NECAB3: variants seen among roughly 807,000 people sequenced by gnomAD.
The protein encoded by NECAB3 is N-terminal EF-hand calcium-binding protein 3.
A neutral mutation model predicts 57.2 loss-of-function variants in NECAB3; 38 were observed. The observed-to-expected ratio is 0.66, with a 90% CI of 0.51 to 0.87. The LOEUF is 0.87. Among genes scored for constraint, NECAB3 ranks in the 40% least tolerant of loss-of-function variants. The pLI, the probability that NECAB3 is intolerant of heterozygous loss-of-function variation, is 0.00. For missense variants in NECAB3, 474 were observed against 527.5 expected (o/e 0.90, Z 0.99); for synonymous variants, 223 against 222.6 (o/e 1.00, Z -0.02).
intron 5 of NECAB3, among the ~76,000 whole-genome samples, chr20:33,666,272 A>G (rs940591923): frequency 5.3e-5 from 8 of 152,170 alleles, no homozygotes; most frequent in Admixed American, 4.6e-4. Flanking sequence ...AGTACATCAG[A>G]TAATTCTAAG....
chr20:33,669,354 A>G (rs543301227), intron 5 of NECAB3, 21 bp downstream of exon 5: 3 of 1,610,782 alleles, frequency 1.9e-6, no homozygotes, highest in African/African-American at 2.7e-5. Flanking sequence ...TGGATCCCCC[A>G]CCATCAGCCA....
Position 33,660,114 on chromosome 20 carries a change from T to C in NECAB3, c.525-111A>G. The C allele has an allele frequency of 1.3e-6, 2 of 1,524,174 alleles. No individual in the cohort carries two copies. Among genetic ancestry groups the C allele is most frequent in the South Asian group, 1.2e-5 (1 of 80,182 alleles). 94.4% of individuals were successfully genotyped at this position (1,524,174 alleles called of 1,614,324 possible). On this transcript the variant is annotated intron_variant, in intron 6 of 11. Coordinates refer to ENST00000246190, the MANE Select transcript of NECAB3 (RefSeq NM_031232.4). This position sits in a 1 kb window ranked among gnomAD's most constrained non-coding sequence, Gnocchi z 4.1. ...CCGAGGCCTAGCCCCAAAGCCAGTC[T>C]CATTTCACCCCGCCATGGCTACCCT...
rs1227986983 is a variant in NECAB3, at chr20:33,657,302, T to C, written c.*527A>G. Reference sequence around the variant, plus strand: ...AACCCAGAGGCCTCTGGCACATCCATGGGTGCTGGAAGAGTCAGAGCCTAG... The same window carrying C: ...AACCCAGAGGCCTCTGGCACATCCACGGGTGCTGGAAGAGTCAGAGCCTAG... On this transcript the variant is annotated 3_prime_UTR_variant, in exon 12 of 12. Transcript: ENST00000246190. 1.3e-5 allele frequency: 2 copies of C among 156,116 alleles called. No homozygotes were observed. The highest frequency in any genetic ancestry group is 4.8e-5 in the African/African-American group (2 of 41,530). The allele number at this position is 156,116 out of a possible 1,614,324, so 9.7% of individuals were successfully genotyped here. A position where few individuals can be genotyped will look rare whatever the true frequency, so the allele number is the denominator to read the frequency against.
intron 10 of NECAB3, among the ~76,000 whole-genome samples, chr20:33,658,265 G>A (rs1413880912): frequency 1.3e-5 from 2 of 152,168 alleles, no homozygotes; most frequent in Non-Finnish European, 1.5e-5. Context: ...GTGTCCCTGT[G>A]CTGTATTCAG....
chr20:33,663,705 G>C, intron 5 of NECAB3: 3 of 1,538,312 alleles, frequency 2.0e-6, no homozygotes, highest in Non-Finnish European at 2.6e-6. Context: ...TGCTGCTGCG[G>C]CGGCAAGAGG....
At position 33,657,759 on chromosome 20, in the gene NECAB3, C is replaced by G. The variant is rs1220756094; in HGVS notation, c.*70G>C. 3 of 1,448,824 alleles carry G rather than the reference C, an allele frequency of 2.1e-6. No individual in the cohort carries two copies. Among genetic ancestry groups the G allele is most frequent in the Non-Finnish European group, 2.7e-6 (3 of 1,091,582 alleles). 89.7% of individuals were successfully genotyped at this position (1,448,824 alleles called of 1,614,324 possible). On this transcript the variant is annotated 3_prime_UTR_variant, in exon 12 of 12. Coordinates refer to ENST00000246190, the MANE Select transcript of NECAB3 (RefSeq NM_031232.4). Reference sequence around the variant, plus strand: ...GACAAGTCCTGGTCTTTGCGCTGGGCTGGCCAGTCCAGAAGGCTCCAGAGG... The same window carrying G: ...GACAAGTCCTGGTCTTTGCGCTGGGGTGGCCAGTCCAGAAGGCTCCAGAGG...
intron 5 of NECAB3, chr20:33,663,381 C>T: frequency 1.2e-6 from 1 of 801,300 alleles, no homozygotes; most frequent in East Asian, 3.1e-5. Flanking sequence ...GACAGGGGTC[C>T]CCTCCAGCCC....
At chr20:33,668,657 C>T (rs1486384018) in intron 5 of NECAB3, 3 of 166,996 alleles carry the variant, frequency 1.8e-5, no homozygotes, top group East Asian at 3.5e-4. Context: ...GAGCCCTGTG[C>T]CTAGCCATGT....
chr20:33,667,485 G>A, intron 5 of NECAB3: 1 of 1,472,620 alleles, frequency 6.8e-7, no homozygotes, highest in Non-Finnish European at 9.0e-7. Flanking sequence ...CCCTGGCAGT[G>A]CCCGCGTGCC....
Position 33,657,861 on chromosome 20 carries a change from G to A in NECAB3, c.1163-4C>T, listed in dbSNP as rs1190485305. On this transcript the variant is annotated splice_polypyrimidine_tract_variant and splice_region_variant and intron_variant, in intron 11 of 11. Coordinates refer to ENST00000246190, the MANE Select transcript of NECAB3 (RefSeq NM_031232.4). ...TTATTCATTATCCACCAGGAGGCTG[G>A]GGGTCAGAGGCAGGGGGTCAGGAGC... The A allele has an allele frequency of 6.5e-7, 1 of 1,544,070 alleles. No homozygotes were observed. Among genetic ancestry groups the A allele is most frequent in the Non-Finnish European group, 8.8e-7 (1 of 1,142,534 alleles).
intron 11 of NECAB3, 37 bp downstream of exon 11, chr20:33,657,905 C>A: frequency 6.5e-7 from 1 of 1,549,072 alleles, no homozygotes; most frequent in South Asian, 1.2e-5. Flanking sequence ...GCCCACTGCC[C>A]CTCCAGGGCC....
chr20:33,667,855 C>T, intron 5 of NECAB3: 7 of 1,606,418 alleles, frequency 4.4e-6, no homozygotes, highest in South Asian at 2.2e-5. Context: ...CAGCAGTGAG[C>T]GCTTCCGCTG....
chr20:33,657,924 T>G lies in NECAB3; in HGVS notation c.1162+18A>C. 1 of 1,552,276 alleles carries G rather than the reference T, an allele frequency of 6.4e-7. No individual in the cohort carries two copies. The highest frequency in any genetic ancestry group is 1.4e-5 in the African/African-American group (1 of 73,140). ...ACTGCCCCTCCAGGGCCACAGTGAG[T>G]GGGGGTCCACCGCATACCTGGGAAG... On this transcript the variant is annotated intron_variant, in intron 11 of 11. Transcript: ENST00000246190.
chr20:33,672,734 T>C (rs972707412), intron 1 of NECAB3, among the ~76,000 whole-genome samples: 1 of 152,138 alleles, frequency 6.6e-6, no homozygotes, highest in Admixed American at 6.5e-5. Flanking sequence ...AAGTTCTATC[T>C]GATACATCAG....
At chr20:33,672,299 T>G (rs950186020) in intron 2 of NECAB3, 99 bp downstream of exon 2, 11 of 1,437,032 alleles carry the variant, frequency 7.7e-6, no homozygotes, top group Non-Finnish European at 1.1e-5. Context: ...AAGATTTGTC[T>G]CAACTCTTGA....
At chr20:33,663,770 T>G (rs1410614958) in intron 5 of NECAB3, 1 of 1,423,452 alleles carries the variant, frequency 7.0e-7, no homozygotes, top group Non-Finnish European at 9.1e-7. Context: ...CCGCGGCTGC[T>G]CTCGCGCTTC....
At chr20:33,663,253 T>C in intron 5 of NECAB3, 2 of 516,338 alleles carry the variant, frequency 3.9e-6, no homozygotes, top group Non-Finnish European at 6.8e-6. Context: ...AGGGATCTCA[T>C]AAACTTAGAC....
At chr20:33,663,483 G>A in intron 5 of NECAB3, 1 of 1,560,546 alleles carries the variant, frequency 6.4e-7, no homozygotes, top group Non-Finnish European at 8.6e-7. Flanking sequence ...CGGGTCGTGG[G>A]CTCGGCCCTA....
At chr20:33,667,950 G>A (rs1283396516) in intron 5 of NECAB3, 1 of 1,553,108 alleles carries the variant, frequency 6.4e-7, no homozygotes, top group Non-Finnish European at 8.7e-7. Context: ...TGCAGAAGAT[G>A]CCCAAAACGC....
Sources: allele counts gnomAD v4.1 joint callset (sites outside exome capture counted in the v4.1 genomes callset), GRCh38; gene constraint gnomAD v4.1.1; non-coding constraint Gnocchi (gnomAD v3.1); transcripts MANE v1.5; gene names NCBI Gene and HGNC (gene_info 2026-07-23, HGNC 2026-07-21).